RAD18: variants seen among roughly 807,000 people sequenced by gnomAD.
The protein encoded by RAD18 is RAD18 E3 ubiquitin protein ligase, also known as E3 ubiquitin-protein ligase RAD18.
In RAD18, 47 loss-of-function variants were observed where a neutral mutation model predicts 60.4. The observed-to-expected ratio is 0.78, with a 90% CI of 0.62 to 0.99. The LOEUF (loss-of-function observed/expected upper bound fraction) is 0.99. RAD18 is among the 50% of genes least tolerant of loss of function. The pLI is 0.00. For missense variants in RAD18, 640 were observed against 593.3 expected (o/e 1.08, Z -0.82); for synonymous variants, 225 against 195.5 (o/e 1.15, Z -1.26).
At chr3:8,881,509 C>G (rs1356564305) in intron 12 of RAD18, 50 bp from the exon 13 acceptor site, 3 of 1,424,084 alleles carry the variant, frequency 2.1e-6, no homozygotes, top group Non-Finnish European at 3.0e-6. Context: ...GATTATTGTA[C>G]AGCAGTTTCT....
chr3:8,903,321 T>A (rs1939946843), intron 9 of RAD18, among the ~76,000 whole-genome samples: 1 of 152,204 alleles, frequency 6.6e-6, no homozygotes, highest in African/African-American at 2.4e-5. Flanking sequence ...ATGATACCAT[T>A]CTAACTTCCA....
chr3:8,878,824 T>C lies in RAD18; in HGVS notation c.*2533A>G, dbSNP rs1939409992. 1 of 152,156 alleles carries C rather than the reference T, an allele frequency of 6.6e-6. No individual in the cohort carries two copies. Among genetic ancestry groups the C allele is most frequent in the East Asian group, 1.9e-4 (1 of 5,178 alleles). 9.4% of individuals were successfully genotyped at this position (152,156 alleles called of 1,614,324 possible). ...CACTGCCATTCTGAGCTGATGTTGA[T>C]GGGAGATGTTATAACTTTGAGGGGA... On this transcript the variant is annotated 3_prime_UTR_variant, in exon 13 of 13. Coordinates refer to ENST00000264926, the MANE Select transcript of RAD18 (RefSeq NM_020165.4).
At chr3:8,892,514 A>G (rs752636159) in intron 11 of RAD18, among the ~76,000 whole-genome samples, 9 of 152,048 alleles carry the variant, frequency 5.9e-5, no homozygotes, top group Non-Finnish European at 1.0e-4. Context: ...TATTTTTCAC[A>G]CCTTTTAGTC....
At chr3:8,905,886 T>C (rs1939994015) in intron 9 of RAD18, among the ~76,000 whole-genome samples, 1 of 152,246 alleles carries the variant, frequency 6.6e-6, no homozygotes, top group Non-Finnish European at 1.5e-5. Context: ...AGAATCATTC[T>C]AACAGAAACT....
At chr3:8,902,627 T>C in intron 9 of RAD18, 107 bp from the exon 10 acceptor site, 1 of 1,164,110 alleles carries the variant, frequency 8.6e-7, no homozygotes, top group Non-Finnish European at 1.2e-6. Flanking sequence ...CATGGTGGCT[T>C]ACGCCTGTAA....
chr3:8,926,357 T>G (rs569179473), intron 7 of RAD18, among the ~76,000 whole-genome samples: 1 of 152,284 alleles, frequency 6.6e-6, no homozygotes, highest in East Asian at 1.9e-4. Flanking sequence ...ACAAAGGATG[T>G]GAAGGACCTC....
chr3:8,920,300 A>T (rs1478447977), intron 7 of RAD18, among the ~76,000 whole-genome samples: 1 of 149,778 alleles, frequency 6.7e-6, no homozygotes, highest in African/African-American at 2.5e-5. Context: ...AAAAAAAAAG[A>T]AAAAGAAAAT....
intron 7 of RAD18, among the ~76,000 whole-genome samples, chr3:8,933,365 G>A (rs1224321312): frequency 1.3e-5 from 2 of 152,188 alleles, no homozygotes; most frequent in Non-Finnish European, 2.9e-5. Flanking sequence ...GCTGATGAAG[G>A]AAATGTTCTA....
chr3:8,912,319 A>C lies in RAD18; in HGVS notation c.1020T>G (p.Ser340Arg), dbSNP rs1940117740. Reference sequence around the variant, plus strand: ...TAAAGTCGTGCAACTTACGATATTTACTGTGGATTTCATCTATTTCCTTTT... The same window carrying C: ...TAAAGTCGTGCAACTTACGATATTTCCTGTGGATTTCATCTATTTCCTTTT... Reference protein sequence around the residue: ...QTEKEIDEIHSKYRKKHKSEF... With the variant: ...QTEKEIDEIHRKYRKKHKSEF... Residue 340 changes from serine (S) to arginine (R), a missense_variant, in exon 9 of 13, where the codon AGT (serine) becomes AGG (arginine). Coordinates refer to ENST00000264926, the MANE Select transcript of RAD18 (RefSeq NM_020165.4). 1.3e-6 allele frequency: 2 copies of C among 1,563,574 alleles called. No homozygotes were observed. The highest frequency in any genetic ancestry group is 2.8e-5 in the African/African-American group (2 of 72,194).
chr3:8,928,098 C>T (rs959508310), intron 7 of RAD18, among the ~76,000 whole-genome samples: 1 of 143,996 alleles, frequency 6.9e-6, no homozygotes, highest in African/African-American at 2.6e-5. Context: ...TTCCATTATA[C>T]ATGAAGTAGT....
At chr3:8,895,336 T>C (rs1417539005) in intron 11 of RAD18, among the ~76,000 whole-genome samples, 1 of 152,238 alleles carries the variant, frequency 6.6e-6, no homozygotes, top group Admixed American at 6.5e-5. Flanking sequence ...ACAGCAATTA[T>C]GAAGATTTTA....
chr3:8,941,931 C>T, intron 4 of RAD18, 127 bp from the exon 5 acceptor site: 1 of 842,156 alleles, frequency 1.2e-6, no homozygotes, highest in Non-Finnish European at 1.8e-6. Flanking sequence ...TAATGACAAC[C>T]AAACCAAAGT....
chr3:8,904,930 A>T (rs1939979253), intron 9 of RAD18, among the ~76,000 whole-genome samples: 1 of 152,254 alleles, frequency 6.6e-6, no homozygotes, highest in Non-Finnish European at 1.5e-5. Flanking sequence ...AAAATCCCAG[A>T]TTTAAATCTA....
chr3:8,952,267 C>T (rs1015763778), intron 2 of RAD18, among the ~76,000 whole-genome samples: 1 of 152,162 alleles, frequency 6.6e-6, no homozygotes, highest in Non-Finnish European at 1.5e-5. Flanking sequence ...TCACCTAAAT[C>T]AGATATGGAT....
intron 12 of RAD18, among the ~76,000 whole-genome samples, chr3:8,887,932 A>C (rs1218290792): frequency 6.6e-6 from 1 of 151,812 alleles, no homozygotes; most frequent in African/African-American, 2.4e-5. Context: ...CAGAGTCACA[A>C]CTCCTCTATC....
chr3:8,905,618 CAG>C (rs1343797455), intron 9 of RAD18, among the ~76,000 whole-genome samples: 1 of 152,194 alleles, frequency 6.6e-6, no homozygotes, highest in Admixed American at 6.5e-5. Flanking sequence ...GGATGAAGAA[CAG>C]AGTTTAACAG....
chr3:8,916,878 A>G (rs1274247431), intron 7 of RAD18, among the ~76,000 whole-genome samples: 14 of 152,276 alleles, frequency 9.2e-5, no homozygotes, highest in Middle Eastern at 3.4e-3. Flanking sequence ...AAATATACAC[A>G]TAATAGAAAT....
intron 2 of RAD18, 55 bp downstream of exon 2, chr3:8,958,865 A>C: frequency 7.5e-7 from 1 of 1,337,026 alleles, no homozygotes; most frequent in Non-Finnish European, 1.1e-6. Context: ...TTAAATTAAC[A>C]CTACCTCATG....
chr3:8,915,648 A>T (rs1940187096), intron 7 of RAD18, among the ~76,000 whole-genome samples: 2 of 147,922 alleles, frequency 1.4e-5, no homozygotes, highest in Non-Finnish European at 3.0e-5. Context: ...CAGTGGCGCG[A>T]TCTCGGCTCA....
Sources: allele counts gnomAD v4.1 joint callset (sites outside exome capture counted in the v4.1 genomes callset), GRCh38; gene constraint gnomAD v4.1.1; transcripts MANE v1.5; gene names NCBI Gene and HGNC (gene_info 2026-07-23, HGNC 2026-07-21).